Variants in CNOT6 observed in about 807,000 individuals in gnomAD.
The protein encoded by CNOT6 is carbon catabolite repression 4 protein.
Under a neutral mutation model 61.2 loss-of-function variants are expected in CNOT6, and 12 were observed. The observed-to-expected ratio is 0.20, with a 90% CI of 0.13 to 0.32. The LOEUF (loss-of-function observed/expected upper bound fraction) is 0.32, where lower values mean the gene tolerates loss of function less well. Among genes scored for constraint, CNOT6 ranks in the 10% least tolerant of loss-of-function variants. The probability of loss-of-function intolerance (pLI) is 1.00; values close to 1 mark genes in which losing one functional copy is unlikely to be tolerated. For missense variants in CNOT6, 405 were observed against 663.9 expected, an observed-to-expected ratio of 0.61 and a Z score of 4.28; for synonymous variants, 225 against 240.6, an observed-to-expected ratio of 0.94 and a Z score of 0.60.
intron 4 of CNOT6, among the ~76,000 whole-genome samples, chr5:180,557,802 A>G (rs537489943): frequency 1.6e-4 from 24 of 152,298 alleles, no homozygotes; most frequent in Non-Finnish European, 2.8e-4. Context: ...TTTTCCTCTT[A>G]GGTTTTCTTT....
chr5:180,500,321 G>A (rs559550344), intron 1 of CNOT6, among the ~76,000 whole-genome samples: 2 of 151,892 alleles, frequency 1.3e-5, no homozygotes, highest in Non-Finnish European at 2.9e-5. Flanking sequence ...TACGTTGCCC[G>A]GTTTGGTCTC....
Position 180,574,502 on chromosome 5 carries a change from A to G in CNOT6, c.*302A>G, listed in dbSNP as rs1310636682. 1 of 416,982 alleles carries G rather than the reference A, an allele frequency of 2.4e-6. No homozygotes were observed. Among genetic ancestry groups the G allele is most frequent in the South Asian group, 2.5e-5 (1 of 39,880 alleles). 25.8% of individuals were successfully genotyped at this position (416,982 alleles called of 1,614,324 possible). ...TATTTTCATGCCTGGAAATAGGAAAATGTGTGAACAGCGTATTCTCTTCAC... is the reference window on the plus strand; with the variant it reads ...TATTTTCATGCCTGGAAATAGGAAAGTGTGTGAACAGCGTATTCTCTTCAC... On this transcript the variant is annotated 3_prime_UTR_variant, in exon 12 of 12. Transcript: ENST00000261951.
chr5:180,547,810 T>G (rs1759390640), intron 2 of CNOT6, among the ~76,000 whole-genome samples: 1 of 151,060 alleles, frequency 6.6e-6, no homozygotes, highest in Non-Finnish European at 1.5e-5. Flanking sequence ...CTCAGCCCAC[T>G]GCAACCGCCA....
chr5:180,500,053 A>G (rs1186240035), intron 1 of CNOT6, among the ~76,000 whole-genome samples: 2 of 151,984 alleles, frequency 1.3e-5, no homozygotes, highest in Non-Finnish European at 2.9e-5. Context: ...ATTGTTCTCT[A>G]ATTTGTGTAT....
chr5:180,564,904 A>G (rs779871130), intron 6 of CNOT6, among the ~76,000 whole-genome samples, 161 bp downstream of exon 6: 2 of 152,250 alleles, frequency 1.3e-5, no homozygotes, highest in African/African-American at 2.4e-5. Flanking sequence ...CATGACCTCT[A>G]TGTATACTAC....
At chr5:180,520,744 A>G (rs1757845889) in intron 1 of CNOT6, among the ~76,000 whole-genome samples, 1 of 152,148 alleles carries the variant, frequency 6.6e-6, no homozygotes, top group Non-Finnish European at 1.5e-5. Context: ...ATGAGTTACA[A>G]CAGTTTAGTT....
intron 1 of CNOT6, among the ~76,000 whole-genome samples, chr5:180,528,504 A>G (rs1244930431): frequency 6.6e-6 from 1 of 151,500 alleles, no homozygotes; most frequent in Non-Finnish European, 1.5e-5. Flanking sequence ...TTTAGTAGAG[A>G]TGGAGTTTCA....
intron 2 of CNOT6, among the ~76,000 whole-genome samples, chr5:180,539,205 G>A (rs1438815012): frequency 6.7e-6 from 1 of 148,934 alleles, no homozygotes; most frequent in African/African-American, 2.5e-5. Flanking sequence ...AGCCAAGCAG[G>A]AGGATTACTT....
chr5:180,503,823 C>T (rs1003450350), intron 1 of CNOT6, among the ~76,000 whole-genome samples: 2 of 151,352 alleles, frequency 1.3e-5, no homozygotes, highest in East Asian at 3.9e-4. Context: ...TCAGGATGGT[C>T]TCGATCTCCT....
chr5:180,503,909 TTTC>T (rs1198695414), intron 1 of CNOT6, among the ~76,000 whole-genome samples: 2 of 152,176 alleles, frequency 1.3e-5, no homozygotes, highest in Non-Finnish European at 2.9e-5. Context: ...CTGGCCCCTT[TTTC>T]TTCTTAACAC....
At chr5:180,571,203 C>G in intron 10 of CNOT6, 27 bp from the exon 11 acceptor site, 1 of 1,509,736 alleles carries the variant, frequency 6.6e-7, no homozygotes, top group South Asian at 1.1e-5. Flanking sequence ...ATATATTTGA[C>G]AATAAAAAAA....
In CNOT6 at chr5:180,542,267, A is replaced by ATTTT. The variant is rs796918574; in HGVS notation, c.113-7652_113-7649dup. Among the ~76,000 whole-genome samples the ATTTT allele has an allele frequency of 4.3e-5, 6 of 140,728 alleles. No individual in the cohort carries two copies. In the East Asian group the frequency reaches 6.1e-4, roughly 14 times the overall value. The allele number at this position is 140,728 out of a possible 152,430, so 92.3% of individuals were successfully genotyped here. ...TCTGGGTTTCTGGTTTGGGCTACCA[A>ATTTT]TTTTTTTTTTTTTTTGAGACAGGGT... On this transcript the variant is annotated intron_variant, in intron 2 of 11. Transcript: ENST00000261951.
intron 1 of CNOT6, among the ~76,000 whole-genome samples, chr5:180,501,983 G>T (rs867078470): frequency 4.6e-5 from 7 of 152,048 alleles, no homozygotes; most frequent in Non-Finnish European, 1.0e-4. Flanking sequence ...TAGATTGGGC[G>T]GAGGAGCAAA....
intron 2 of CNOT6, among the ~76,000 whole-genome samples, chr5:180,537,157 G>T (rs1758737991): frequency 6.6e-6 from 1 of 152,090 alleles, no homozygotes; most frequent in Admixed American, 6.5e-5. Context: ...AGCTCCTTTG[G>T]GTAAATACCA....
chr5:180,570,209 T>C (rs529156493), intron 10 of CNOT6, among the ~76,000 whole-genome samples: 119 of 152,168 alleles, frequency 7.8e-4, no homozygotes, highest in Admixed American at 2.7e-3. Flanking sequence ...AATACAAAAA[T>C]TAGCCAGGCG....
At chr5:180,571,132 T>C (rs1184223427) in intron 10 of CNOT6, 98 bp from the exon 11 acceptor site, 1 of 774,452 alleles carries the variant, frequency 1.3e-6, no homozygotes, top group East Asian at 2.7e-5. Flanking sequence ...TTTTGGAACG[T>C]GGGAATATGT....
At chr5:180,524,535 A>G (rs1033686497) in intron 1 of CNOT6, among the ~76,000 whole-genome samples, 1 of 152,098 alleles carries the variant, frequency 6.6e-6, no homozygotes, top group Admixed American at 6.6e-5. Context: ...GCTTAAAATG[A>G]TGAGTACTTT....
chr5:180,556,815 G>C (rs1759918256), intron 4 of CNOT6, among the ~76,000 whole-genome samples: 1 of 152,204 alleles, frequency 6.6e-6, no homozygotes, highest in South Asian at 2.1e-4. Context: ...AATTAGCCAG[G>C]CATGGTGGCA....
At chr5:180,510,134 C>CTTTTTTTTTTTT (rs56899929) in intron 1 of CNOT6, among the ~76,000 whole-genome samples, 8 of 37,382 alleles carry the variant, frequency 2.1e-4, no homozygotes, top group Non-Finnish European at 1.9e-4. Context: ...GTCTGTAAAC[C>CTTTTTTTTTTTT]TTTTTTTTTT....
Sources: gnomAD v4.1 joint callset for allele counts (sites outside exome capture counted in the v4.1 genomes callset) on GRCh38, gnomAD v4.1.1 for gene constraint, MANE v1.5 for transcripts, NCBI Gene and HGNC (gene_info 2026-07-23, HGNC 2026-07-21) for gene names.